The following FARP1 variants were observed in gnomAD, a reference collection of about 807,000 sequenced individuals.
FARP1 encodes the protein FERM, ARH/RhoGEF and pleckstrin domain protein 1, also known as FERM, ARHGEF and pleckstrin domain-containing protein 1.
FARP1 carries 52 observed loss-of-function variants against 128.8 expected under a neutral mutation model. The observed-to-expected ratio is 0.40, with a 90% CI of 0.32 to 0.51. The LOEUF is 0.51. FARP1 is among the 20% of genes least tolerant of loss of function. The pLI is 0.45. For missense variants in FARP1, 1,333 were observed against 1,367.9 expected (o/e 0.97, Z 0.40); for synonymous variants, 580 against 551.8 (o/e 1.05, Z -0.72).
rs759018309 is a variant in FARP1 at position 98,395,346 on chromosome 13, T to C, written c.1284T>C (p.Pro428=). The change falls in exon 13 of 27, where the codon CCT becomes CCC. Residue 428 remains proline (P), a synonymous_variant. Coordinates refer to ENST00000319562, the MANE Select transcript of FARP1 (RefSeq NM_005766.4). ...GGGAGCCGGGGTCGCACCCGAGCCC[T>C]GCGCCGAGGAGAAGCCCCGCGGGTA... ...SAGEPGSHPS[P]APRRSPAGNK... is the part of the protein sequence containing the mutation. The C allele has an allele frequency of 1.9e-6, 3 of 1,611,556 alleles. No homozygotes were observed. The highest frequency in any genetic ancestry group is 8.5e-7 in the Non-Finnish European group (1 of 1,178,816).
At chr13:98,144,950 A>G (rs373889750) in intron 1 of FARP1, among the ~76,000 whole-genome samples, 108 of 152,324 alleles carry the variant, frequency 7.1e-4, no homozygotes, top group African/African-American at 2.5e-3. Flanking sequence ...GGGTACAGCT[A>G]GCACATGGCT....
At chr13:98,281,493 G>A (rs932044127) in intron 2 of FARP1, among the ~76,000 whole-genome samples, 1 of 152,108 alleles carries the variant, frequency 6.6e-6, no homozygotes, top group Non-Finnish European at 1.5e-5. Context: ...ACCTGGCCTG[G>A]ATCTCCTTAT....
chr13:98,318,244 A>C (rs1886827699), intron 2 of FARP1, among the ~76,000 whole-genome samples: 2 of 150,566 alleles, frequency 1.3e-5, no homozygotes, highest in Admixed American at 6.6e-5. Flanking sequence ...TTTTTTGTGG[A>C]GATATGGTCT....
intron 16 of FARP1, 141 bp from the exon 17 acceptor site, chr13:98,424,431 C>G (rs1481995810): frequency 3.1e-6 from 2 of 643,520 alleles, no homozygotes. Context: ...CCAACGATAA[C>G]ATTCCATGAC....
intron 2 of FARP1, among the ~76,000 whole-genome samples, chr13:98,290,970 A>T (rs553530715): frequency 3.9e-4 from 59 of 152,260 alleles, no homozygotes; most frequent in Middle Eastern, 3.4e-3. Context: ...ATTTGAAAGG[A>T]TGCACATCTC....
chr13:98,342,691 ACT>A (rs539024600), intron 2 of FARP1, among the ~76,000 whole-genome samples: 166 of 149,814 alleles, frequency 1.1e-3, no homozygotes, highest in African/African-American at 4.0e-3. Context: ...CAAAAGCAAG[ACT>A]CTGTTTCAAT....
intron 1 of FARP1, among the ~76,000 whole-genome samples, chr13:98,162,893 C>A (rs1231597286): frequency 6.6e-6 from 1 of 152,122 alleles, no homozygotes; most frequent in African/African-American, 2.4e-5. Context: ...TTAGTTCAAC[C>A]GTTGTGGAAA....
Position 98,440,836 on chromosome 13 carries a change from G to A in FARP1, c.2796G>A (p.Glu932=), listed in dbSNP as rs1375992504. ...VSMVDFSIAV[E]NQLSGNLLRK... is the part of the protein sequence containing the mutation. ...TGGTGGACTTCAGCATCGCAGTGGAGGTACGCAGGGGCAGGGCAGCTCTGG... is the reference window on the plus strand; with the variant it reads ...TGGTGGACTTCAGCATCGCAGTGGAAGTACGCAGGGGCAGGGCAGCTCTGG... The change falls in exon 24 of 27, where the codon GAG becomes GAA. Residue 932 remains glutamate, a splice_region_variant and synonymous_variant. Coordinates refer to ENST00000319562, the MANE Select transcript of FARP1 (RefSeq NM_005766.4). 1 of 1,598,188 alleles carries A rather than the reference G, an allele frequency of 6.3e-7. No homozygotes were observed. The highest frequency in any genetic ancestry group is 1.1e-5 in the South Asian group (1 of 89,206).
intron 2 of FARP1, among the ~76,000 whole-genome samples, chr13:98,288,965 T>C (rs1470090000): frequency 4.8e-5 from 7 of 146,956 alleles, no homozygotes; most frequent in Non-Finnish European, 7.4e-5. Context: ...GCAGTTCCTA[T>C]GGCTTTTTTT....
At chr13:98,248,210 A>T (rs2139479287) in intron 2 of FARP1, among the ~76,000 whole-genome samples, 1 of 152,310 alleles carries the variant, frequency 6.6e-6, no homozygotes, top group Non-Finnish European at 1.5e-5. Flanking sequence ...TAGATTTTGC[A>T]GTACCTAGAA....
chr13:98,231,579 T>C (rs1882117767), intron 2 of FARP1, among the ~76,000 whole-genome samples: 3 of 150,882 alleles, frequency 2.0e-5, no homozygotes, highest in Non-Finnish European at 4.4e-5. Context: ...CTGGCATTAC[T>C]GGTGCCTGCC....
intron 1 of FARP1, among the ~76,000 whole-genome samples, chr13:98,181,429 C>T (rs1460162701): frequency 6.6e-6 from 1 of 151,746 alleles, no homozygotes; most frequent in African/African-American, 2.4e-5. Flanking sequence ...TGGAGAAGAG[C>T]AAAACCAATA....
intron 9 of FARP1, 41 bp downstream of exon 9, chr13:98,388,519 G>T: frequency 6.8e-7 from 1 of 1,465,146 alleles, no homozygotes; most frequent in Admixed American, 1.7e-5. Flanking sequence ...TTGAGCCATG[G>T]GATGGCGTGT....
chr13:98,254,764 G>C (rs1157252497), intron 2 of FARP1, among the ~76,000 whole-genome samples: 1 of 152,194 alleles, frequency 6.6e-6, no homozygotes, highest in South Asian at 2.1e-4. Flanking sequence ...TGACTGTCTA[G>C]AGAATGTCCA....
At chr13:98,403,961 G>T in intron 13 of FARP1, 1 of 152,590 alleles carries the variant, frequency 6.6e-6, no homozygotes, top group South Asian at 1.8e-4. Context: ...ATTTTTCATT[G>T]GTACGAAGCA....
chr13:98,215,083 C>T (rs190028621), intron 2 of FARP1, among the ~76,000 whole-genome samples: 153 of 152,340 alleles, frequency 1.0e-3, no homozygotes, highest in African/African-American at 3.6e-3. Flanking sequence ...GATCGTTGGA[C>T]TGTGCTCACC....
intron 18 of FARP1, chr13:98,433,768 GCTT>G (rs1358488215): frequency 6.6e-6 from 1 of 152,420 alleles, no homozygotes; most frequent in Non-Finnish European, 1.5e-5. Flanking sequence ...CGTTCCTTCT[GCTT>G]AGAGTCCTGG....
intron 1 of FARP1, among the ~76,000 whole-genome samples, chr13:98,186,352 C>T (rs1331791548): frequency 2.0e-5 from 3 of 152,096 alleles, no homozygotes; most frequent in Non-Finnish European, 4.4e-5. Context: ...AGGTGATCCA[C>T]CCACCTCGAC....
intron 3 of FARP1, among the ~76,000 whole-genome samples, chr13:98,359,587 T>A (rs1888781495): frequency 6.6e-6 from 1 of 152,232 alleles, no homozygotes; most frequent in Non-Finnish European, 1.5e-5. Context: ...ACCTTGTGGA[T>A]GACAGACTGC....
Sources: gnomAD v4.1 joint callset for allele counts (sites outside exome capture counted in the v4.1 genomes callset) on GRCh38, gnomAD v4.1.1 for gene constraint, MANE v1.5 for transcripts, NCBI Gene and HGNC (gene_info 2026-07-23, HGNC 2026-07-21) for gene names.